The following GRK5 variants were observed in gnomAD, a reference collection of about 807,000 sequenced individuals.
GRK5 encodes g protein-coupled receptor kinase GRK5.
In GRK5, 40 loss-of-function variants were observed where a neutral mutation model predicts 78.4. That is an observed-to-expected ratio of 0.51 (90% CI 0.40 to 0.66). The LOEUF (loss-of-function observed/expected upper bound fraction) is 0.66. Among genes scored for constraint, GRK5 ranks in the 30% least tolerant of loss-of-function variants. The pLI, the probability that GRK5 is intolerant of heterozygous loss-of-function variation, is 0.00. For synonymous variants in GRK5, 289 were observed against 296.8 expected, an observed-to-expected ratio of 0.97 and a Z score of 0.27; for missense variants, 598 against 759.9, an observed-to-expected ratio of 0.79 and a Z score of 2.50.
chr10:119,380,210 G>A (rs1248291257), intron 2 of GRK5, among the ~76,000 whole-genome samples: 1 of 152,198 alleles, frequency 6.6e-6, no homozygotes, highest in Non-Finnish European at 1.5e-5. Flanking sequence ...GATATGGTTT[G>A]AGCTACAGGC....
chr10:119,454,540 C>G (rs1853363102), intron 15 of GRK5, among the ~76,000 whole-genome samples: 1 of 152,214 alleles, frequency 6.6e-6, no homozygotes, highest in Non-Finnish European at 1.5e-5. Context: ...CAGGCCGGCC[C>G]TCGCTAGAGC....
intron 3 of GRK5, among the ~76,000 whole-genome samples, chr10:119,386,450 A>G (rs547638225): frequency 4.3e-4 from 66 of 152,186 alleles, no homozygotes; most frequent in African/African-American, 1.4e-3. Flanking sequence ...AGTCAGTTTG[A>G]AAAGGGGGGA....
At chr10:119,361,298 C>A (rs775458080) in intron 2 of GRK5, among the ~76,000 whole-genome samples, 13 of 152,172 alleles carry the variant, frequency 8.5e-5, no homozygotes, top group Non-Finnish European at 1.3e-4. Context: ...GAAGCCCCAC[C>A]CCACTTGGAT....
intron 3 of GRK5, among the ~76,000 whole-genome samples, chr10:119,394,773 G>T: frequency 6.9e-6 from 1 of 144,784 alleles, no homozygotes; most frequent in East Asian, 2.0e-4. Context: ...GTATCTGTGT[G>T]TGTGTGGGCA....
intron 4 of GRK5, among the ~76,000 whole-genome samples, chr10:119,402,463 G>A (rs903561258): frequency 2.0e-5 from 3 of 152,154 alleles, no homozygotes; most frequent in Admixed American, 1.3e-4. Context: ...GGGTCACTCC[G>A]AGCTGAGGTG....
chr10:119,352,228 C>G (rs1010544195), intron 2 of GRK5, among the ~76,000 whole-genome samples: 2 of 152,184 alleles, frequency 1.3e-5, no homozygotes, highest in Non-Finnish European at 2.9e-5. Context: ...CTGCTTTTAT[C>G]TCTCGATTCC....
chr10:119,401,727 G>A (rs530035787), intron 4 of GRK5, among the ~76,000 whole-genome samples: 2 of 152,318 alleles, frequency 1.3e-5, no homozygotes, highest in Admixed American at 1.3e-4. Flanking sequence ...TTCAAAGTCA[G>A]GCTGTTGAAT....
Position 119,454,964 on chromosome 10 carries a change from C to T in GRK5, c.1675-5C>T, listed in dbSNP as rs200352513. ...CCACCCCGTCTCCCCCAACCCCAAC[C>T]CCAGCATCAGAACAATTCCAAGAGT... On this transcript the variant is annotated splice_region_variant and splice_polypyrimidine_tract_variant and intron_variant, in intron 15 of 15. Transcript: ENST00000392870. 7.1e-5 allele frequency: 114 copies of T among 1,608,726 alleles called. No homozygotes were observed. The highest frequency in any genetic ancestry group is 1.3e-4 in the Admixed American group (8 of 60,026).
chr10:119,443,864 AT>A (rs1192371085), intron 12 of GRK5, 112 bp downstream of exon 12: 1 of 932,488 alleles, frequency 1.1e-6, no homozygotes, highest in Non-Finnish European at 1.6e-6. Context: ...GGGTCTGAGC[AT>A]GGGGGTGGGG....
intron 3 of GRK5, among the ~76,000 whole-genome samples, chr10:119,387,017 T>A (rs183651926): frequency 6.6e-5 from 10 of 152,136 alleles, no homozygotes; most frequent in East Asian, 5.8e-4. Context: ...TTTTTTTTTT[T>A]AATTTGAGAC....
chr10:119,412,070 C>T lies in GRK5; in HGVS notation c.340-11096C>T, dbSNP rs1320566916. ...TTCATCATGTTGGCCAGGCTGGTCT[C>T]GAACTCCTGACCTCAGGTGATCCAC... On this transcript the variant is annotated intron_variant, in intron 4 of 15. Coordinates refer to ENST00000392870, the MANE Select transcript of GRK5 (RefSeq NM_005308.3). This position sits in a 1 kb window ranked among gnomAD's most constrained non-coding sequence, Gnocchi z 4.3. Among the ~76,000 whole-genome samples, 3 of 151,982 alleles carry T rather than the reference C, an allele frequency of 2.0e-5. No individual in the cohort carries two copies. The East Asian group carries it at 5.8e-4, about 29-fold the overall frequency.
chr10:119,353,147 T>C (rs1284383705), intron 2 of GRK5, among the ~76,000 whole-genome samples: 1 of 152,194 alleles, frequency 6.6e-6, no homozygotes, highest in African/African-American at 2.4e-5. Flanking sequence ...TTTGGGTTCA[T>C]GTGGGTATGA....
chr10:119,259,145 A>G (rs1849332719), intron 1 of GRK5, among the ~76,000 whole-genome samples: 2 of 150,892 alleles, frequency 1.3e-5, no homozygotes, highest in Admixed American at 6.6e-5. Flanking sequence ...GCTCACTGCA[A>G]GCTCCGTCTC....
chr10:119,259,578 T>C (rs1000222771), intron 1 of GRK5, among the ~76,000 whole-genome samples: 3 of 152,234 alleles, frequency 2.0e-5, no homozygotes, highest in African/African-American at 7.2e-5. Context: ...CCAGTCATTG[T>C]TGGCTGCCCT....
At chr10:119,391,991 G>A (rs1851895062) in intron 3 of GRK5, among the ~76,000 whole-genome samples, 2 of 152,204 alleles carry the variant, frequency 1.3e-5, no homozygotes, top group South Asian at 2.1e-4. Context: ...AGGCCAGGAG[G>A]AATTCAGCCC....
In GRK5 at chr10:119,386,986, G is replaced by A. The variant is rs565548642; in HGVS notation, c.261+6059G>A. The stretch of plus-strand genomic sequence containing the variant: ...GACTCTGATGTAGTCCCTGGGAAAG[G>A]CTCCTCTCCTGCACAGTATTTTTTT... On this transcript the variant is annotated intron_variant, in intron 3 of 15. Transcript: ENST00000392870. Among the ~76,000 whole-genome samples, 4 of 152,150 alleles carry A rather than the reference G, an allele frequency of 2.6e-5. No homozygotes were observed. The South Asian group carries it at 8.3e-4, about 32-fold the overall frequency.
intron 12 of GRK5, 66 bp from the exon 13 acceptor site, chr10:119,448,057 G>C (rs1422701896): frequency 6.8e-7 from 1 of 1,472,558 alleles, no homozygotes; most frequent in Non-Finnish European, 9.0e-7. Flanking sequence ...AGACACTGTG[G>C]AGGCAGGAGG....
rs569627477 is a variant in GRK5, at chr10:119,412,272, C to T, written c.340-10894C>T. Among the ~76,000 whole-genome samples the T allele has an allele frequency of 7.9e-5, 12 of 152,296 alleles. No individual in the cohort carries two copies. The highest frequency in any genetic ancestry group is 1.5e-4 in the Non-Finnish European group (10 of 68,018). On this transcript the variant is annotated intron_variant, in intron 4 of 15. Transcript: ENST00000392870. The surrounding 1 kb of genome is among the most constrained non-coding windows in gnomAD (Gnocchi z 4.3). ...CAGCCTCGATCACAAGGACCTCTAC[C>T]CACAGGCTGCCGGTCCGGTGTGTCT... is the stretch of plus-strand genomic sequence containing the variant.
intron 1 of GRK5, among the ~76,000 whole-genome samples, chr10:119,210,984 A>G (rs1052039416): frequency 3.3e-5 from 5 of 152,222 alleles, no homozygotes; most frequent in African/African-American, 1.2e-4. Flanking sequence ...ATGTAGCAAT[A>G]AAATAGAAAG....
Sources: allele counts gnomAD v4.1 joint callset (sites outside exome capture counted in the v4.1 genomes callset), GRCh38; gene constraint gnomAD v4.1.1; non-coding constraint Gnocchi (gnomAD v3.1); transcripts MANE v1.5; gene names NCBI Gene and HGNC (gene_info 2026-07-23, HGNC 2026-07-21).